TTC6: variants seen among roughly 807,000 people sequenced by gnomAD.
The protein encoded by TTC6 is tetratricopeptide repeat protein 6.
TTC6 carries 172 observed loss-of-function variants against 210.4 expected under a neutral mutation model. That is an observed-to-expected ratio of 0.82 (90% confidence interval 0.72 to 0.93). TTC6 has a LOEUF of 0.93. TTC6 is among the 40% of genes least tolerant of loss of function. TTC6 has a pLI of 0.00. For missense variants in TTC6, 2,414 were observed against 2,318.1 expected, an observed-to-expected ratio of 1.04 and a Z score of -0.85; for synonymous variants, 804 against 819.6, an observed-to-expected ratio of 0.98 and a Z score of 0.32.
intron 29 of TTC6, among the ~76,000 whole-genome samples, chr14:37,830,815 T>C (rs1028759485): frequency 2.0e-5 from 3 of 152,088 alleles, no homozygotes; most frequent in African/African-American, 7.2e-5. Flanking sequence ...TATTGATACA[T>C]ACTAATTGTA....
intron 1 of TTC6, among the ~76,000 whole-genome samples, chr14:37,625,407 G>A (rs1205925132): frequency 6.6e-6 from 1 of 152,002 alleles, no homozygotes; most frequent in Non-Finnish European, 1.5e-5. Context: ...AATTAGCCGG[G>A]CGTGGTGGCA....
chr14:37,791,993 A>C (rs1566957773), intron 16 of TTC6, among the ~76,000 whole-genome samples: 1 of 152,172 alleles, frequency 6.6e-6, no homozygotes, highest in East Asian at 1.9e-4. Context: ...TAAATCAAAG[A>C]AGAGTAAAGT....
intron 7 of TTC6, among the ~76,000 whole-genome samples, chr14:37,725,308 G>GTATATATATA (rs1422249080): frequency 2.7e-5 from 2 of 73,414 alleles, no homozygotes; most frequent in Non-Finnish European, 5.6e-5. Flanking sequence ...ATGTGTGTGT[G>GTATATATATA]TGTGTATATA....
intron 10 of TTC6, among the ~76,000 whole-genome samples, chr14:37,746,580 G>A (rs561468015): frequency 2.6e-5 from 4 of 152,242 alleles, no homozygotes; most frequent in African/African-American, 7.2e-5. Flanking sequence ...TTCACTTAGA[G>A]TATTCCTGGG....
chr14:37,797,020 T>C, intron 20 of TTC6, 73 bp downstream of exon 22: 1 of 1,276,236 alleles, frequency 7.8e-7, no homozygotes, highest in Non-Finnish European at 1.0e-6. Context: ...TATACCACTT[T>C]AAATATTTTT....
intron 5 of TTC6, among the ~76,000 whole-genome samples, chr14:37,704,703 C>T: frequency 6.6e-6 from 1 of 151,692 alleles, no homozygotes; most frequent in Non-Finnish European, 1.5e-5. Context: ...GTGTTTTATG[C>T]TATCAGAAAT....
chr14:37,646,712 G>A (rs1422902804), intron 1 of TTC6, among the ~76,000 whole-genome samples: 1 of 152,006 alleles, frequency 6.6e-6, no homozygotes. Context: ...AATTATGATT[G>A]GTTCTAAATT....
intron 1 of TTC6, among the ~76,000 whole-genome samples, chr14:37,653,720 C>T (rs1159994353): frequency 6.6e-6 from 1 of 152,072 alleles, no homozygotes; most frequent in Non-Finnish European, 1.5e-5. Context: ...TGTTTTGCTT[C>T]TGGGCTTTCA....
intron 29 of TTC6, among the ~76,000 whole-genome samples, chr14:37,834,394 T>C (rs928813915): frequency 6.6e-6 from 1 of 152,170 alleles, no homozygotes; most frequent in Non-Finnish European, 1.5e-5. Context: ...TATTATTGTC[T>C]GACTATTTCA....
chr14:37,784,565 C>G (rs2096063264), intron 14 of TTC6, among the ~76,000 whole-genome samples: 1 of 152,142 alleles, frequency 6.6e-6, no homozygotes. Context: ...TGACTCCTGA[C>G]TCCTTATCCA....
At position 37,813,310 on chromosome 14, in the gene TTC6, A is replaced by G. The variant is rs934043325; in HGVS notation, c.4689+877A>G. On this transcript the variant is annotated intron_variant, in intron 25 of 30. Transcript: ENST00000553443. ...TTAAGCTTTTTGATATATTAAAAAT[A>G]TTTTTGAGCTGTATCACTAGGTATA... Among the ~76,000 whole-genome samples the G allele has an allele frequency of 6.6e-5, 10 of 152,240 alleles. No individual in the cohort carries two copies. In the East Asian group the frequency reaches 1.9e-3, roughly 29 times the overall value.
At chr14:37,761,656 A>T (rs2095984956) in intron 14 of TTC6, among the ~76,000 whole-genome samples, 1 of 152,052 alleles carries the variant, frequency 6.6e-6, no homozygotes, top group African/African-American at 2.4e-5. Flanking sequence ...TCACTTCCTT[A>T]TAGTTCTTTA....
intron 20 of TTC6, 133 bp downstream of exon 22, chr14:37,797,080 A>AT: frequency 1.1e-6 from 1 of 874,186 alleles, no homozygotes; most frequent in East Asian, 3.3e-5. Context: ...CATTTGGGTT[A>AT]TTTTCTCTCT....
exon 2 of TTC6, chr14:37,606,699 G>A (rs965858741): frequency 3.0e-6 from 3 of 984,922 alleles, no homozygotes; most frequent in South Asian, 4.7e-5. Context: ...TTTTCTGTGG[G>A]GCCCTGAGTG....
At chr14:37,652,165 C>A (rs34586390) in intron 1 of TTC6, among the ~76,000 whole-genome samples, 8,476 of 152,180 alleles carry the variant, frequency 0.056, 362 homozygotes, top group Non-Finnish European at 0.087. Context: ...ATGGACTCAG[C>A]GTTAGGTGGT....
intron 1 of TTC6, among the ~76,000 whole-genome samples, chr14:37,634,513 G>A (rs1317317543): frequency 6.6e-6 from 1 of 152,114 alleles, no homozygotes; most frequent in Non-Finnish European, 1.5e-5. Context: ...ATAACTTGGT[G>A]TCATCATAGT....
At chr14:37,829,421 GTAGTGATTATCT>G (rs556390945) in intron 29 of TTC6, among the ~76,000 whole-genome samples, 128 of 151,558 alleles carry the variant, frequency 8.4e-4, no homozygotes, top group Non-Finnish European at 1.7e-3. Flanking sequence ...TAGTTTTGTT[GTAGTGATTATCT>G]TTATAAAAAT....
chr14:37,676,259 A>G (rs1250764507), intron 1 of TTC6, among the ~76,000 whole-genome samples: 1 of 152,120 alleles, frequency 6.6e-6, no homozygotes, highest in African/African-American at 2.4e-5. Flanking sequence ...ACTGGTAGGA[A>G]GAGGAAGGGA....
chr14:37,807,499 G>A (rs1055997177), intron 23 of TTC6, 39 bp downstream of exon 25: 189 of 1,433,792 alleles, frequency 1.3e-4, no homozygotes, highest in Non-Finnish European at 1.7e-4. Context: ...AAATTTTAGG[G>A]TGGGCAGATT....
Sources: gnomAD v4.1 joint callset for allele counts (sites outside exome capture counted in the v4.1 genomes callset) on GRCh38, gnomAD v4.1.1 for gene constraint, MANE v1.5 for transcripts, NCBI Gene and HGNC (gene_info 2026-07-23, HGNC 2026-07-21) for gene names.